CPEB1: variants seen among roughly 807,000 people sequenced by gnomAD.
CPEB1 encodes cytoplasmic polyadenylation element-binding protein 1.
Under a neutral mutation model 65.8 loss-of-function variants are expected in CPEB1, and 7 were observed. The observed-to-expected ratio is 0.11, with a 90% CI of 0.06 to 0.20. CPEB1 has a LOEUF of 0.20. Among genes scored for constraint, CPEB1 ranks in the 10% least tolerant of loss-of-function variants. The pLI is 1.00. For synonymous variants in CPEB1, 262 were observed against 260.0 expected, an observed-to-expected ratio of 1.01 and a Z score of -0.08; for missense variants, 551 against 712.2, an observed-to-expected ratio of 0.77 and a Z score of 2.58.
intron 12 of CPEB1, among the ~76,000 whole-genome samples, chr15:82,544,962 C>T (rs999108114): frequency 6.6e-6 from 1 of 152,204 alleles, no homozygotes; most frequent in African/African-American, 2.4e-5. Flanking sequence ...ATGCTAGTTT[C>T]TCTTATCCCC....
chr15:82,632,647 C>A (rs1228760807), intron 1 of CPEB1, among the ~76,000 whole-genome samples: 2 of 152,072 alleles, frequency 1.3e-5, no homozygotes, highest in Non-Finnish European at 2.9e-5. Context: ...TCCCAAGTAG[C>A]TGGACTACAG....
Position 82,555,965 on chromosome 15 carries a change from G to A in CPEB1, c.845C>T (p.Pro282Leu). The change falls in exon 6 of 13, where the codon CCA becomes CTA. Residue 282 changes from proline to leucine, a missense_variant. Physicochemically the swap from Pro to Leu is moderately conservative, Grantham distance 98 (BLOSUM62 -3). This residue lies in a region of CPEB1 where 128 missense variants were observed against 129.1 expected (regional missense o/e 0.99). Transcript: ENST00000684509. ...CCAGGATGGCCACACAGAAGCTCCTGGCCATCTCTTTGAAGCACTGGTTGG... is the reference window on the plus strand; with the variant it reads ...CCAGGATGGCCACACAGAAGCTCCTAGCCATCTCTTTGAAGCACTGGTTGG... ...PSPTSASKRW[P>L]GASVWPSWDL... 6.2e-7 allele frequency: 1 copy of A among 1,613,682 alleles called. No homozygotes were observed. Among genetic ancestry groups the A allele is most frequent in the Non-Finnish European group, 8.5e-7 (1 of 1,179,838 alleles).
At chr15:82,565,768 G>C (rs2039016727) in intron 4 of CPEB1, among the ~76,000 whole-genome samples, 1 of 152,206 alleles carries the variant, frequency 6.6e-6, no homozygotes, top group Non-Finnish European at 1.5e-5. Flanking sequence ...AGAACACAAG[G>C]GATCATGGAA....
intron 3 of CPEB1, among the ~76,000 whole-genome samples, chr15:82,589,038 C>G (rs1286451339): frequency 6.6e-6 from 1 of 152,182 alleles, no homozygotes; most frequent in African/African-American, 2.4e-5. Flanking sequence ...CTTGTTGAAC[C>G]TAACCTTGAA....
intron 1 of CPEB1, among the ~76,000 whole-genome samples, chr15:82,645,434 T>C (rs1385676126): frequency 6.6e-6 from 1 of 151,960 alleles, no homozygotes; most frequent in Admixed American, 6.5e-5. Flanking sequence ...ATTAAAGGCG[T>C]GAGTCATGGG....
chr15:82,580,913 G>A (rs150730981), intron 3 of CPEB1, among the ~76,000 whole-genome samples: 1 of 150,588 alleles, frequency 6.6e-6, no homozygotes, highest in Non-Finnish European at 1.5e-5. Context: ...ATGCAATGAC[G>A]CAATAATGGC....
intron 4 of CPEB1, among the ~76,000 whole-genome samples, chr15:82,570,619 C>G (rs1005767905): frequency 1.3e-5 from 2 of 151,926 alleles, no homozygotes; most frequent in Non-Finnish European, 2.9e-5. Context: ...GGGGGGCTGC[C>G]AAGAAGTCCC....
In CPEB1 at chr15:82,576,268, A is replaced by G. The variant is rs1254626562; in HGVS notation, c.272-4736T>C. Among the ~76,000 whole-genome samples, 3 of 152,314 alleles carry G rather than the reference A, an allele frequency of 2.0e-5. No individual in the cohort carries two copies. In the East Asian group the frequency reaches 5.8e-4, roughly 29 times the overall value. On this transcript the variant is annotated intron_variant, in intron 3 of 12. Coordinates refer to ENST00000684509, the MANE Select transcript of CPEB1 (RefSeq NM_001365242.1). ...GACAAAACTAATAAATGGTGAAAAA[A>G]ATCAGGTGGTTGCCTCTGGCAGGAA...
chr15:82,562,431 A>G (rs1297452926), intron 4 of CPEB1: 3 of 249,416 alleles, frequency 1.2e-5, no homozygotes, highest in Non-Finnish European at 2.4e-5. Flanking sequence ...TATACACATT[A>G]AGTTTTAGAA....
chr15:82,614,875 GTGTGTATA>G (rs775447658), intron 3 of CPEB1, among the ~76,000 whole-genome samples: 6 of 123,282 alleles, frequency 4.9e-5, no homozygotes, highest in East Asian at 4.3e-4. Flanking sequence ...GTGTGTGTGT[GTGTGTATA>G]TATATATATG....
chr15:82,587,749 T>C (rs776580665), intron 3 of CPEB1, among the ~76,000 whole-genome samples: 1 of 152,186 alleles, frequency 6.6e-6, no homozygotes, highest in Non-Finnish European at 1.5e-5. Context: ...TAAAATAGTA[T>C]ATTTAAAGAA....
Position 82,616,932 on chromosome 15 carries a change from A to T in CPEB1, c.271+10261T>A, listed in dbSNP as rs574025698. Among the ~76,000 whole-genome samples the T allele has an allele frequency of 5.3e-5, 8 of 152,350 alleles. No homozygotes were observed. The East Asian group carries it at 1.3e-3, about 26-fold the overall frequency. ...TGTTTCAACCTATGTATACATACCC[A>T]CGAAACCATCACCAAAAGTCAAGGT... is the stretch of plus-strand genomic sequence containing the variant. On this transcript the variant is annotated intron_variant, in intron 3 of 12. Coordinates refer to ENST00000684509, the MANE Select transcript of CPEB1 (RefSeq NM_001365242.1).
intron 5 of CPEB1, 21 bp from the exon 6 acceptor site, chr15:82,556,143 A>T: frequency 6.3e-7 from 1 of 1,579,784 alleles, no homozygotes; most frequent in Non-Finnish European, 8.6e-7. Flanking sequence ...AAAAAGGAAG[A>T]CAGGGTTTTA....
chr15:82,549,335 G>A (rs2035839834), intron 10 of CPEB1, 125 bp downstream of exon 10: 10 of 843,162 alleles, frequency 1.2e-5, no homozygotes. Flanking sequence ...ATATTATGGT[G>A]CTGGTATATG....
At chr15:82,589,628 C>T (rs897525878) in intron 3 of CPEB1, among the ~76,000 whole-genome samples, 1 of 151,824 alleles carries the variant, frequency 6.6e-6, no homozygotes, top group Non-Finnish European at 1.5e-5. Context: ...CCCATAGTCC[C>T]AGCTACTCGG....
At chr15:82,616,537 ATTTT>A (rs35713948) in intron 3 of CPEB1, among the ~76,000 whole-genome samples, 1 of 137,602 alleles carries the variant, frequency 7.3e-6, no homozygotes, top group African/African-American at 2.7e-5. Context: ...CTCTTTTTAA[ATTTT>A]TTTTTTTTTT....
intron 3 of CPEB1, among the ~76,000 whole-genome samples, chr15:82,580,617 ACC>A (rs1415725449): frequency 1.3e-5 from 2 of 152,168 alleles, no homozygotes; most frequent in African/African-American, 4.8e-5. Context: ...ACTACTCTTC[ACC>A]TCTAGAGCTT....
chr15:82,617,550 A>C (rs1231905746), intron 3 of CPEB1, among the ~76,000 whole-genome samples: 1 of 152,150 alleles, frequency 6.6e-6, no homozygotes, highest in Non-Finnish European at 1.5e-5. Context: ...GTAAAAACTA[A>C]GAAAATCCAA....
Position 82,546,308 on chromosome 15 carries a change from C to T in CPEB1, c.1656+133G>A. 4.3e-6 allele frequency: 3 copies of T among 690,340 alleles called. No individual in the cohort carries two copies. In the South Asian group the frequency reaches 5.6e-5, roughly 13 times the overall value. The allele number at this position is 690,340 out of a possible 1,614,324, so 42.8% of individuals were successfully genotyped here. A position where few individuals can be genotyped will look rare whatever the true frequency, so the allele number is the denominator to read the frequency against. Reference sequence around the variant, plus strand: ...TATTTTTAATAGAGACGGGGTTTCACCATGTTGGCCAGGCTGGTCCTCCTG... The same window carrying T: ...TATTTTTAATAGAGACGGGGTTTCATCATGTTGGCCAGGCTGGTCCTCCTG... On this transcript the variant is annotated intron_variant, in intron 12 of 12. Transcript: ENST00000684509.
Sources: allele counts gnomAD v4.1 joint callset (sites outside exome capture counted in the v4.1 genomes callset), GRCh38; gene constraint gnomAD v4.1.1; regional missense constraint gnomAD v4.1.1; transcripts MANE v1.5; gene names NCBI Gene and HGNC (gene_info 2026-07-23, HGNC 2026-07-21).